The following SPATS2L variants were observed in gnomAD, a reference collection of about 807,000 sequenced individuals.
SPATS2L encodes the protein SPATS2-like protein.
SPATS2L carries 30 observed loss-of-function variants against 59.6 expected under a neutral mutation model. The observed-to-expected ratio is 0.50, with a 90% CI of 0.38 to 0.68. The LOEUF is 0.68. Among genes scored for constraint, SPATS2L ranks in the 30% least tolerant of loss-of-function variants. The pLI, the probability that SPATS2L is intolerant of heterozygous loss-of-function variation, is 0.00. For synonymous variants in SPATS2L, 252 were observed against 263.5 expected, an observed-to-expected ratio of 0.96 and a Z score of 0.42; for missense variants, 615 against 700.0, an observed-to-expected ratio of 0.88 and a Z score of 1.37.
chr2:200,356,715 C>T (rs2080928444), intron 2 of SPATS2L, among the ~76,000 whole-genome samples: 1 of 152,104 alleles, frequency 6.6e-6, no homozygotes, highest in Non-Finnish European at 1.5e-5. Context: ...TCATGGATGT[C>T]AGCCTATTTT....
chr2:200,339,718 T>G (rs2080259113), intron 2 of SPATS2L, among the ~76,000 whole-genome samples: 2 of 152,200 alleles, frequency 1.3e-5, no homozygotes. Context: ...AAGGAACATG[T>G]CTTGTTGGGG....
intron 2 of SPATS2L, among the ~76,000 whole-genome samples, chr2:200,375,546 G>A (rs994554033): frequency 1.3e-5 from 2 of 152,220 alleles, no homozygotes; most frequent in African/African-American, 2.4e-5. Context: ...ATATTGCAAG[G>A]TTGGAGGTAT....
rs533785455 is a variant in SPATS2L at position 200,362,076 on chromosome 2, C to CAAAAAATA, written c.-22-27130_-22-27123dup. Reference sequence around the variant, plus strand: ...GCAACACAACCAGACCCTGTTTCTACAAAAAATAAAAAAATAAAAAAATAG... The same window carrying CAAAAAATA: ...GCAACACAACCAGACCCTGTTTCTACAAAAAATAAAAAAATAAAAAAATAAAAAAATAG... On this transcript the variant is annotated intron_variant, in intron 2 of 12. Coordinates refer to ENST00000409140, the MANE Select transcript of SPATS2L (RefSeq NM_001100423.2). Among the ~76,000 whole-genome samples the CAAAAAATA allele has an allele frequency of 8.5e-4, 129 of 151,734 alleles. 1 individual carries two copies. Among genetic ancestry groups the CAAAAAATA allele is most frequent in the South Asian group, 2.1e-3 (10 of 4,792 alleles).
At chr2:200,387,259 C>A (rs2082020346) in intron 2 of SPATS2L, among the ~76,000 whole-genome samples, 1 of 152,198 alleles carries the variant, frequency 6.6e-6, no homozygotes, top group South Asian at 2.1e-4. Context: ...TTTGCACCAA[C>A]TGACTCTCCT....
intron 8 of SPATS2L, among the ~76,000 whole-genome samples, chr2:200,449,509 G>A (rs1345431492): frequency 5.9e-5 from 9 of 152,096 alleles, no homozygotes; most frequent in South Asian, 2.1e-4. Flanking sequence ...GCCTGAAATC[G>A]GAAAAGATTT....
chr2:200,336,647 G>A (rs1163771096), intron 2 of SPATS2L, among the ~76,000 whole-genome samples: 2 of 152,126 alleles, frequency 1.3e-5, no homozygotes, highest in Non-Finnish European at 2.9e-5. Flanking sequence ...CACACCAAAT[G>A]TGTATCCGAT....
intron 9 of SPATS2L, among the ~76,000 whole-genome samples, chr2:200,466,009 A>G (rs927525589): frequency 2.0e-5 from 3 of 152,200 alleles, no homozygotes; most frequent in Admixed American, 6.5e-5. Flanking sequence ...TCCAGCCTGG[A>G]CGAAAGAGCG....
At chr2:200,456,503 T>G in intron 8 of SPATS2L, among the ~76,000 whole-genome samples, 1 of 152,216 alleles carries the variant, frequency 6.6e-6, no homozygotes, top group East Asian at 1.9e-4. Context: ...CCAGCTTTGT[T>G]TAATATGTGT....
At chr2:200,386,648 A>G (rs1333817351) in intron 2 of SPATS2L, among the ~76,000 whole-genome samples, 1 of 152,160 alleles carries the variant, frequency 6.6e-6, no homozygotes, top group Non-Finnish European at 1.5e-5. Context: ...AACAAAACAA[A>G]AGCTTTTTCT....
Position 200,477,930 on chromosome 2 carries a change from A to G in SPATS2L, c.1576A>G (p.Ser526Gly), listed in dbSNP as rs1466482063. Residue 526 changes from serine (S) to glycine (G), a missense_variant, in exon 13 of 13, where the codon AGT becomes GGT. Transcript: ENST00000409140. ...CTCGGAGGCCAGGCCCTTCCGGGGT[A>G]GTGTCGGTAGGGTTTCACAGTGCAA... is the stretch of plus-strand genomic sequence containing the variant. Reference protein sequence around the residue: ...DTSEARPFRGSVGRVSQCNLC... With the variant: ...DTSEARPFRGGVGRVSQCNLC... 1 of 1,612,090 alleles carries G rather than the reference A, an allele frequency of 6.2e-7. No homozygotes were observed.
At chr2:200,353,278 C>T (rs1033874325) in intron 2 of SPATS2L, among the ~76,000 whole-genome samples, 1 of 152,164 alleles carries the variant, frequency 6.6e-6, no homozygotes, top group African/African-American at 2.4e-5. Context: ...ACAGCTTGAT[C>T]GCTGCGTTGA....
chr2:200,467,643 G>C (rs944917087), intron 10 of SPATS2L, among the ~76,000 whole-genome samples: 3 of 152,218 alleles, frequency 2.0e-5, no homozygotes, highest in African/African-American at 7.2e-5. Context: ...TCAGTCAGTA[G>C]AGACTGAACC....
intron 8 of SPATS2L, among the ~76,000 whole-genome samples, chr2:200,449,452 A>C (rs1377308836): frequency 1.3e-5 from 2 of 152,232 alleles, no homozygotes; most frequent in Non-Finnish European, 2.9e-5. Context: ...TTGCAGAATA[A>C]AGGCCCACAA....
At chr2:200,448,043 G>A (rs1467907256) in intron 8 of SPATS2L, among the ~76,000 whole-genome samples, 2 of 152,186 alleles carry the variant, frequency 1.3e-5, no homozygotes, top group African/African-American at 4.8e-5. Flanking sequence ...TACTCAGGAG[G>A]CTGAGGTGGG....
Position 200,419,616 on chromosome 2 carries a change from C to T in SPATS2L, c.445+120C>T, listed in dbSNP as rs7604187. 8.7e-4 allele frequency: 995 copies of T among 1,140,652 alleles called. 3 individuals carry two copies. The African/African-American group carries it at 0.012, about 14-fold the overall frequency. The allele number at this position is 1,140,652 out of a possible 1,614,324, so 70.7% of individuals were successfully genotyped here. On this transcript the variant is annotated intron_variant, in intron 6 of 12. Coordinates refer to ENST00000409140, the MANE Select transcript of SPATS2L (RefSeq NM_001100423.2). ...GAAGGTTGTTTTTCTGCAGTGTGTA[C>T]GATTCAGCCTTCCTGAAGCCAGGAT...
In SPATS2L at chr2:200,360,370, C is replaced by T. The variant is rs1244846423; in HGVS notation, c.-22-28853C>T. On this transcript the variant is annotated intron_variant, in intron 2 of 12. Coordinates refer to ENST00000409140, the MANE Select transcript of SPATS2L (RefSeq NM_001100423.2). The stretch of plus-strand genomic sequence containing the variant: ...GGAAAATGTGTCTTTAGATCAGGGC[C>T]AGCATGGTTTGCCAATACTTCGCCC... 2.0e-5 allele frequency among the ~76,000 whole-genome samples: 3 copies of T among 152,216 alleles called. No individual in the cohort carries two copies. The South Asian group carries it at 6.2e-4, about 32-fold the overall frequency.
At position 200,350,589 on chromosome 2, in the gene SPATS2L, C is replaced by T. The variant is rs186741981; in HGVS notation, c.-23+21109C>T. On this transcript the variant is annotated intron_variant, in intron 2 of 12. Transcript: ENST00000409140. ...TCACCCAGGCTGGAGTGCAGTGGCA[C>T]GATCGTTCACTGCAGCCTCTGCCTC... 1.5e-4 allele frequency among the ~76,000 whole-genome samples: 23 copies of T among 152,218 alleles called. No homozygotes were observed. In the East Asian group the frequency reaches 3.5e-3, roughly 23 times the overall value.
chr2:200,350,170 C>T (rs555625320), intron 2 of SPATS2L, among the ~76,000 whole-genome samples: 2 of 152,216 alleles, frequency 1.3e-5, no homozygotes, highest in African/African-American at 4.8e-5. Flanking sequence ...GGGTCTGTTC[C>T]CCCTCTCAGC....
chr2:200,465,799 G>A (rs1224339320), intron 9 of SPATS2L, among the ~76,000 whole-genome samples: 6 of 152,166 alleles, frequency 3.9e-5, no homozygotes, highest in South Asian at 4.1e-4. Context: ...TTGGGAGGCC[G>A]AGGCAGGCAG....
Sources: gnomAD v4.1 joint callset for allele counts (sites outside exome capture counted in the v4.1 genomes callset) on GRCh38, gnomAD v4.1.1 for gene constraint, MANE v1.5 for transcripts, NCBI Gene and HGNC (gene_info 2026-07-23, HGNC 2026-07-21) for gene names.